Variants in HDAC9 observed in about 807,000 individuals in gnomAD.
The protein encoded by HDAC9 is MEF-2 interacting transcription repressor (MITR) protein.
Under a neutral mutation model 139.4 loss-of-function variants are expected in HDAC9, and 41 were observed. The observed-to-expected ratio is 0.29, with a 90% CI of 0.23 to 0.38. The LOEUF (loss-of-function observed/expected upper bound fraction) is 0.38, where lower values mean the gene tolerates loss of function less well. Among genes scored for constraint, HDAC9 ranks in the 10% least tolerant of loss-of-function variants. The pLI is 1.00. For synonymous variants in HDAC9, 517 were observed against 476.2 expected (o/e 1.09, Z -1.12); for missense variants, 1,147 against 1,297.0 (o/e 0.88, Z 1.78).
chr7:18,589,857 G>A (rs1051756270), intron 3 of HDAC9, among the ~76,000 whole-genome samples: 18 of 152,074 alleles, frequency 1.2e-4, no homozygotes, highest in Non-Finnish European at 5.9e-5. Context: ...GTTTACTTCA[G>A]GTAAACTTCC....
chr7:18,445,874 AAAG>A lies in HDAC9; in HGVS notation c.-41-50383_-41-50381del, dbSNP rs573634116. Among the ~76,000 whole-genome samples the A allele has an allele frequency of 3.2e-4, 48 of 152,366 alleles. 1 individual carries two copies. In the South Asian group the frequency reaches 6.8e-3, roughly 22 times the overall value. On this transcript the variant is annotated intron_variant, in intron 1 of 3. Coordinates refer to the HDAC9 transcript ENST00000413509. ...TGCTAGAAATAAAAGCAGAGAATTAAAAGAAGACTTCTATTTAACCTTTTGAAC... is the reference window on the plus strand; with the variant it reads ...TGCTAGAAATAAAAGCAGAGAATTAAAAGACTTCTATTTAACCTTTTGAAC...
chr7:18,569,363 G>A (rs533045207), intron 2 of HDAC9, among the ~76,000 whole-genome samples: 186 of 152,054 alleles, frequency 1.2e-3, no homozygotes, highest in African/African-American at 4.3e-3. Context: ...TCATTCTTAG[G>A]TTGCAGGCCA....
rs1264717834 is a variant in HDAC9, at chr7:18,419,370, T to C, written c.-41-76892T>C. 6.6e-5 allele frequency among the ~76,000 whole-genome samples: 10 copies of C among 152,308 alleles called. No homozygotes were observed. In the East Asian group the frequency reaches 1.3e-3, roughly 21 times the overall value. On this transcript the variant is annotated intron_variant, in intron 1 of 3. Transcript: ENST00000413509. ...TATTATTCTTTTACAAATGAAGAAA[T>C]TGAGGCTTAAAGAGTTAAGTAACTG... is the stretch of plus-strand genomic sequence containing the variant.
chr7:18,173,987 T>G (rs1279903761), intron 2 of HDAC9, among the ~76,000 whole-genome samples: 1 of 152,216 alleles, frequency 6.6e-6, no homozygotes, highest in African/African-American at 2.4e-5. Context: ...AATTTGAATG[T>G]TGGCCTGTCT....
At chr7:18,447,388 A>T (rs1275463178) in intron 1 of HDAC9, among the ~76,000 whole-genome samples, 1 of 152,162 alleles carries the variant, frequency 6.6e-6, no homozygotes, top group Non-Finnish European at 1.5e-5. Flanking sequence ...TACTTCAGAG[A>T]TAAAAATAAA....
chr7:18,239,342 C>G (rs1214642811), intron 2 of HDAC9, among the ~76,000 whole-genome samples: 1 of 152,136 alleles, frequency 6.6e-6, no homozygotes, highest in African/African-American at 2.4e-5. Flanking sequence ...CACCAGCACC[C>G]TCTTGTCTGA....
At chr7:18,686,232 G>A (rs941375174) in intron 12 of HDAC9, among the ~76,000 whole-genome samples, 11 of 151,918 alleles carry the variant, frequency 7.2e-5, no homozygotes, top group African/African-American at 2.7e-4. Context: ...AATCAGAAAA[G>A]CCATTTGCTA....
intron 8 of HDAC9, among the ~76,000 whole-genome samples, chr7:18,641,575 C>T (rs1032309865): frequency 1.3e-5 from 2 of 152,008 alleles, no homozygotes; most frequent in Non-Finnish European, 2.9e-5. Context: ...TTTATCTAAC[C>T]ACAATAAAAA....
chr7:18,905,342 G>C (rs1302385575), intron 22 of HDAC9, among the ~76,000 whole-genome samples: 1 of 152,206 alleles, frequency 6.6e-6, no homozygotes, highest in Non-Finnish European at 1.5e-5. Context: ...TTTATACAGA[G>C]TAGATGTTCA....
intron 12 of HDAC9, among the ~76,000 whole-genome samples, chr7:18,723,576 T>C (rs1785297764): frequency 6.6e-6 from 1 of 152,192 alleles, no homozygotes; most frequent in African/African-American, 2.4e-5. Flanking sequence ...TGGTAGACAC[T>C]GGACAGGTAG....
At position 18,732,896 on chromosome 7, in the gene HDAC9, C is replaced by CACACGTGTGCGTATGTGTGTAT. The variant is rs1562893414; in HGVS notation, c.1909+5143_1909+5144insGTGTGCGTATGTGTGTATACAC. On this transcript the variant is annotated intron_variant, in intron 13 of 25. Transcript: ENST00000686413. ...ACACACACGTGTGCGTATGTGTACA[C>CACACGTGTGCGTATGTGTGTAT]ACACACGTGTGCGTATGTGTATACA... 1.4e-4 allele frequency among the ~76,000 whole-genome samples: 12 copies of CACACGTGTGCGTATGTGTGTAT among 87,464 alleles called. 3 individuals are homozygous for CACACGTGTGCGTATGTGTGTAT. The highest frequency in any genetic ancestry group is 2.6e-4 in the Non-Finnish European group (11 of 42,500). The allele number at this position is 87,464 out of a possible 152,430, so 57.4% of individuals were successfully genotyped here. A position where few individuals can be genotyped will look rare whatever the true frequency, so the allele number is the denominator to read the frequency against.
At chr7:18,701,175 G>T (rs1026155854) in intron 12 of HDAC9, among the ~76,000 whole-genome samples, 13 of 150,936 alleles carry the variant, frequency 8.6e-5, no homozygotes, top group African/African-American at 2.2e-4. Flanking sequence ...CCTTGCCACT[G>T]TGAGGTTTTT....
chr7:18,707,219 T>C (rs528650460), intron 12 of HDAC9, among the ~76,000 whole-genome samples: 1 of 152,330 alleles, frequency 6.6e-6, no homozygotes, highest in Admixed American at 6.5e-5. Flanking sequence ...AACAATGTCA[T>C]ATACCTCAGA....
chr7:18,893,521 T>C (rs1800884306), intron 22 of HDAC9, among the ~76,000 whole-genome samples: 1 of 152,166 alleles, frequency 6.6e-6, no homozygotes, highest in Non-Finnish European at 1.5e-5. Flanking sequence ...AAAATGGTAC[T>C]CCCTGGCCAT....
chr7:18,165,849 A>G (rs1787973476), intron 2 of HDAC9, among the ~76,000 whole-genome samples: 1 of 151,810 alleles, frequency 6.6e-6, no homozygotes, highest in Non-Finnish European at 1.5e-5. Context: ...AAACCTAGAG[A>G]AGGCAATAAT....
At chr7:18,092,814 C>G (rs1462952824) in intron 1 of HDAC9, among the ~76,000 whole-genome samples, 1 of 152,036 alleles carries the variant, frequency 6.6e-6, no homozygotes, top group Non-Finnish European at 1.5e-5. Context: ...TAATGAGGGT[C>G]CATTTATGAG....
intron 12 of HDAC9, among the ~76,000 whole-genome samples, chr7:18,708,831 A>G (rs1448321584): frequency 6.6e-6 from 1 of 152,114 alleles, no homozygotes; most frequent in African/African-American, 2.4e-5. Context: ...TTCTTATCAT[A>G]TGTGGTACAC....
chr7:18,326,435 T>G (rs1800451132), intron 1 of HDAC9, among the ~76,000 whole-genome samples: 1 of 152,104 alleles, frequency 6.6e-6, no homozygotes, highest in Non-Finnish European at 1.5e-5. Flanking sequence ...TATTATTTTC[T>G]TGGTTATTTT....
intron 6 of HDAC9, among the ~76,000 whole-genome samples, chr7:18,595,576 T>C (rs1832244451): frequency 6.6e-6 from 1 of 152,020 alleles, no homozygotes; most frequent in South Asian, 2.1e-4. Flanking sequence ...GTGAATGGCA[T>C]TCAAGAATCT....
Sources: gnomAD v4.1 joint callset for allele counts (sites outside exome capture counted in the v4.1 genomes callset) on GRCh38, gnomAD v4.1.1 for gene constraint, MANE v1.5 for transcripts, NCBI Gene and HGNC (gene_info 2026-07-23, HGNC 2026-07-21) for gene names.